Variants in LCLAT1 observed in about 807,000 individuals in gnomAD.
LCLAT1 encodes lysocardiolipin acyltransferase 1.
Under a neutral mutation model 30.7 loss-of-function variants are expected in LCLAT1, and 11 were observed. The observed-to-expected ratio is 0.36, with a 90% CI of 0.23 to 0.59. LCLAT1 has a LOEUF of 0.59. Among genes scored for constraint, LCLAT1 ranks in the 20% least tolerant of loss-of-function variants. The pLI, the probability that LCLAT1 is intolerant of heterozygous loss-of-function variation, is 0.77. For synonymous variants in LCLAT1, 155 were observed against 151.3 expected, an observed-to-expected ratio of 1.02 and a Z score of -0.18; for missense variants, 402 against 458.6, an observed-to-expected ratio of 0.88 and a Z score of 1.13.
intron 1 of LCLAT1, among the ~76,000 whole-genome samples, chr2:30,515,244 C>A (rs562030977): frequency 6.6e-6 from 1 of 152,216 alleles, no homozygotes; most frequent in Admixed American, 6.5e-5. Context: ...TTTGATCTAC[C>A]CTTAACACCT....
chr2:30,536,514 C>A (rs76643170), intron 3 of LCLAT1, among the ~76,000 whole-genome samples: 2 of 152,000 alleles, frequency 1.3e-5, no homozygotes, highest in Non-Finnish European at 2.9e-5. Flanking sequence ...AACTGTCAGC[C>A]GAGGATACTG....
At chr2:30,572,743 G>T in intron 5 of LCLAT1, among the ~76,000 whole-genome samples, 1 of 150,512 alleles carries the variant, frequency 6.6e-6, no homozygotes. Flanking sequence ...ATTTCTCCCT[G>T]ATATCCTTGG....
At chr2:30,501,295 C>A (rs995101339) in intron 1 of LCLAT1, among the ~76,000 whole-genome samples, 1 of 152,076 alleles carries the variant, frequency 6.6e-6, no homozygotes, top group African/African-American at 2.4e-5. Flanking sequence ...TAGACCAAAC[C>A]CCCAGTGCTT....
chr2:30,484,578 A>G (rs1203140455), intron 1 of LCLAT1, among the ~76,000 whole-genome samples: 1 of 152,148 alleles, frequency 6.6e-6, no homozygotes, highest in Non-Finnish European at 1.5e-5. Flanking sequence ...ACTGTGGGCA[A>G]GAGCTATGTT....
At chr2:30,520,188 G>A (rs897998171) in intron 1 of LCLAT1, among the ~76,000 whole-genome samples, 1 of 152,190 alleles carries the variant, frequency 6.6e-6, no homozygotes, top group African/African-American at 2.4e-5. Context: ...AGGTCAGAGA[G>A]CAAAAGGCTT....
At chr2:30,636,114 C>T (rs1414597172) in intron 5 of LCLAT1, among the ~76,000 whole-genome samples, 2 of 152,070 alleles carry the variant, frequency 1.3e-5, no homozygotes, top group South Asian at 2.1e-4. Flanking sequence ...GAACCCTTGG[C>T]ATTTGAACTA....
intron 1 of LCLAT1, among the ~76,000 whole-genome samples, chr2:30,471,847 TTTTA>T (rs1682811816): frequency 6.6e-6 from 1 of 152,168 alleles, no homozygotes; most frequent in South Asian, 2.1e-4. Flanking sequence ...TTTGGATGAA[TTTTA>T]TTTATTTTTC....
At chr2:30,637,735 G>C (rs944145483) in intron 5 of LCLAT1, among the ~76,000 whole-genome samples, 26 of 152,054 alleles carry the variant, frequency 1.7e-4, no homozygotes, top group African/African-American at 6.3e-4. Context: ...GCGCCACCAC[G>C]CCCAGCTAAT....
At chr2:30,488,617 C>T (rs1025346207) in intron 1 of LCLAT1, among the ~76,000 whole-genome samples, 18 of 152,176 alleles carry the variant, frequency 1.2e-4, no homozygotes, top group African/African-American at 2.4e-4. Flanking sequence ...TATTCTCTTT[C>T]GTTTTTTCCT....
chr2:30,632,834 T>G (rs1398078012), intron 5 of LCLAT1, among the ~76,000 whole-genome samples: 1 of 152,238 alleles, frequency 6.6e-6, no homozygotes, highest in Non-Finnish European at 1.5e-5. Context: ...GCTGCCTGAC[T>G]GCACCTTTTG....
intron 1 of LCLAT1, among the ~76,000 whole-genome samples, chr2:30,503,899 A>C (rs829660): frequency 0.83 from 126,716 of 152,156 alleles, 52,936 homozygotes; most frequent in East Asian, 0.94. Flanking sequence ...TTGGTTGTAT[A>C]TTAATTGCTT....
At chr2:30,540,779 C>T (rs1558507393) in intron 3 of LCLAT1, among the ~76,000 whole-genome samples, 1 of 151,950 alleles carries the variant, frequency 6.6e-6, no homozygotes, top group Non-Finnish European at 1.5e-5. Flanking sequence ...ATTCTCCTGC[C>T]TCAGCCTCCC....
intron 5 of LCLAT1, among the ~76,000 whole-genome samples, chr2:30,616,627 A>G (rs1461058890): frequency 6.6e-6 from 1 of 152,190 alleles, no homozygotes; most frequent in African/African-American, 2.4e-5. Context: ...AAAACATGGT[A>G]GTTATTATTT....
intron 4 of LCLAT1, among the ~76,000 whole-genome samples, chr2:30,564,365 A>T (rs143520868): frequency 1.3e-5 from 2 of 152,174 alleles, no homozygotes; most frequent in Non-Finnish European, 2.9e-5. Context: ...TTACTGCTAC[A>T]TTAGTGTTAA....
intron 1 of LCLAT1, among the ~76,000 whole-genome samples, chr2:30,456,164 A>G (rs905732230): frequency 3.3e-5 from 5 of 152,216 alleles, no homozygotes; most frequent in African/African-American, 9.6e-5. Flanking sequence ...TTGACACACA[A>G]AGTGGGTGTC....
rs552779486 is a variant in LCLAT1, at chr2:30,640,980, C to T, written c.*361C>T. The T allele has an allele frequency of 5.2e-5, 12 of 232,308 alleles. No homozygotes were observed. The highest frequency in any genetic ancestry group is 1.2e-4 in the African/African-American group (5 of 42,346). The allele number at this position is 232,308 out of a possible 1,614,324, so 14.4% of individuals were successfully genotyped here. ...CAGATCTGGAACTCGTCAACAACAGCCCGGATCACATGCTGTTACTGGACT... is the reference window on the plus strand; with the variant it reads ...CAGATCTGGAACTCGTCAACAACAGTCCGGATCACATGCTGTTACTGGACT... On this transcript the variant is annotated 3_prime_UTR_variant, in exon 6 of 6. Coordinates refer to ENST00000379509, the MANE Select transcript of LCLAT1 (RefSeq NM_001002257.3).
chr2:30,580,863 A>G (rs1354919336), intron 5 of LCLAT1, among the ~76,000 whole-genome samples: 1 of 152,150 alleles, frequency 6.6e-6, no homozygotes, highest in African/African-American at 2.4e-5. Flanking sequence ...AGAGTTTATT[A>G]TCTTCCTAAG....
intron 3 of LCLAT1, among the ~76,000 whole-genome samples, chr2:30,555,322 A>C (rs931313773): frequency 8.5e-5 from 13 of 152,188 alleles, no homozygotes; most frequent in African/African-American, 2.9e-4. Flanking sequence ...GCAAAGACTC[A>C]AACATTTTTT....
At chr2:30,626,084 C>A (rs769133334) in intron 5 of LCLAT1, among the ~76,000 whole-genome samples, 9 of 152,144 alleles carry the variant, frequency 5.9e-5, no homozygotes, top group Non-Finnish European at 8.8e-5. Context: ...CAGAGGCACT[C>A]AATAAATAGT....
Sources: gnomAD v4.1 joint callset for allele counts (sites outside exome capture counted in the v4.1 genomes callset) on GRCh38, gnomAD v4.1.1 for gene constraint, MANE v1.5 for transcripts, NCBI Gene and HGNC (gene_info 2026-07-23, HGNC 2026-07-21) for gene names.